FOXK1: variants seen among roughly 807,000 people sequenced by gnomAD.
FOXK1 encodes forkhead box K1.
A neutral mutation model predicts 51.9 loss-of-function variants in FOXK1; 19 were observed. That is an observed-to-expected ratio of 0.37 (90% confidence interval 0.26 to 0.54). FOXK1 has a LOEUF of 0.54. Among genes scored for constraint, FOXK1 ranks in the 20% least tolerant of loss-of-function variants. FOXK1 has a pLI of 0.87. For synonymous variants in FOXK1, 537 were observed against 482.6 expected (o/e 1.11, Z -1.48); for missense variants, 870 against 1,032.7 (o/e 0.84, Z 2.16).
chr7:4,686,260 C>T (rs1266390613), intron 1 of FOXK1, among the ~76,000 whole-genome samples: 1 of 152,050 alleles, frequency 6.6e-6, no homozygotes, highest in Non-Finnish European at 1.5e-5. Context: ...GTGTTGGTGC[C>T]CACACCATTT....
In FOXK1 at chr7:4,745,163, G is replaced by T. The variant is rs2115063884; in HGVS notation, c.746+4140G>T. On this transcript the variant is annotated intron_variant, in intron 2 of 8. Coordinates refer to ENST00000328914, the MANE Select transcript of FOXK1 (RefSeq NM_001037165.2). This position sits in a 1 kb window ranked among gnomAD's most constrained non-coding sequence, Gnocchi z 4.3. ...CGGGGCCAGGCCAGAAGAGCTGGCT[G>T]CCTGCAAGGCTGTCCCCTCCCAGTG... Among the ~76,000 whole-genome samples the T allele has an allele frequency of 6.6e-6, 1 of 152,366 alleles. No homozygotes were observed. Among genetic ancestry groups the T allele is most frequent in the South Asian group, 2.1e-4 (1 of 4,828 alleles).
chr7:4,727,707 C>A (rs1339920902), intron 1 of FOXK1, among the ~76,000 whole-genome samples: 1 of 152,252 alleles, frequency 6.6e-6, no homozygotes, highest in Non-Finnish European at 1.5e-5. Context: ...AGACTGGGCC[C>A]TGTCCCACCT....
At chr7:4,732,391 C>T (rs752665211) in intron 1 of FOXK1, among the ~76,000 whole-genome samples, 1 of 152,232 alleles carries the variant, frequency 6.6e-6, no homozygotes, top group Non-Finnish European at 1.5e-5. Flanking sequence ...TGCCCAGGCT[C>T]AAGCCATCTT....
chr7:4,708,514 G>A (rs949988273), intron 1 of FOXK1, among the ~76,000 whole-genome samples: 5 of 152,166 alleles, frequency 3.3e-5, no homozygotes, highest in South Asian at 4.1e-4. Flanking sequence ...GGGTTAGGGT[G>A]GAATTTTACA....
intron 1 of FOXK1, among the ~76,000 whole-genome samples, chr7:4,695,297 C>T (rs1779937999): frequency 6.6e-6 from 1 of 152,238 alleles, no homozygotes; most frequent in African/African-American, 2.4e-5. Context: ...TCCTAACCTG[C>T]AAGAAGATTT....
chr7:4,752,382 C>T (rs1021913418), intron 2 of FOXK1, among the ~76,000 whole-genome samples: 1 of 152,212 alleles, frequency 6.6e-6, no homozygotes, highest in Non-Finnish European at 1.5e-5. Context: ...TGGGCTCAAG[C>T]GATCCTCCTG....
chr7:4,741,539 C>T (rs1180058672), intron 2 of FOXK1, among the ~76,000 whole-genome samples: 1 of 152,158 alleles, frequency 6.6e-6, no homozygotes, highest in Non-Finnish European at 1.5e-5. Flanking sequence ...CGATGTTGGC[C>T]ATGCTGGTCT....
chr7:4,759,039 C>G lies in FOXK1; in HGVS notation c.1245-12C>G, dbSNP rs763830429. On this transcript the variant is annotated splice_polypyrimidine_tract_variant and intron_variant, in intron 5 of 8. Coordinates refer to ENST00000328914, the MANE Select transcript of FOXK1 (RefSeq NM_001037165.2). ...CGGGCGCTGACTGCCGCGGCCCTTG[C>G]CTGTCTTCCAGGAGCGCTCCAGCTT... 3.9e-5 allele frequency: 61 copies of G among 1,578,992 alleles called. No individual in the cohort carries two copies. The highest frequency in any genetic ancestry group is 4.5e-5 in the East Asian group (2 of 44,708).
At chr7:4,691,172 T>G (rs1779886674) in intron 1 of FOXK1, among the ~76,000 whole-genome samples, 2 of 152,228 alleles carry the variant, frequency 1.3e-5, no homozygotes, top group African/African-American at 2.4e-5. Flanking sequence ...TCGCCTCACC[T>G]GACCCATTTC....
In FOXK1 at chr7:4,746,129, C is replaced by A. The variant is rs115982104; in HGVS notation, c.746+5106C>A. On this transcript the variant is annotated intron_variant, in intron 2 of 8. Transcript: ENST00000328914. Reference sequence around the variant, plus strand: ...TTCCTGATTTCTCCAACGTGGAGATCAAAAATGAAAGTAACTCGTACAATT... The same window carrying A: ...TTCCTGATTTCTCCAACGTGGAGATAAAAAATGAAAGTAACTCGTACAATT... 3.9e-5 allele frequency among the ~76,000 whole-genome samples: 6 copies of A among 152,172 alleles called. No homozygotes were observed. The South Asian group carries it at 8.3e-4, about 21-fold the overall frequency.
chr7:4,693,446 G>A (rs1712380463), intron 1 of FOXK1, among the ~76,000 whole-genome samples: 1 of 152,174 alleles, frequency 6.6e-6, no homozygotes, highest in South Asian at 2.1e-4. Flanking sequence ...TTTAGTCATT[G>A]GCCTTATTAG....
At chr7:4,746,517 A>G (rs768998856) in intron 2 of FOXK1, among the ~76,000 whole-genome samples, 7 of 150,608 alleles carry the variant, frequency 4.6e-5, no homozygotes, top group Non-Finnish European at 1.0e-4. Flanking sequence ...CCCATCTCTA[A>G]AAAAAAAAAT....
intron 1 of FOXK1, among the ~76,000 whole-genome samples, chr7:4,719,081 T>A (rs1470420937): frequency 1.3e-5 from 2 of 152,198 alleles, no homozygotes; most frequent in African/African-American, 4.8e-5. Context: ...AGTGCTGGGA[T>A]TACAGGCATG....
In FOXK1 at chr7:4,759,583, A is replaced by C. The variant is rs1321201001; in HGVS notation, c.1684A>C (p.Ser562Arg). ...AAGAAVLDLG[S>R]EARGLEEKPT... ...GGGCGCAGCCGTGCTGGACCTGGGC[A>C]GCGAGGCCAGAGGTAATGCAGCCGC... The change falls in exon 7 of 9, where the codon AGC becomes CGC. Residue 562 changes from serine (S) to arginine (R), a missense_variant. By Grantham distance (110) the Ser-to-Arg change is moderately radical (BLOSUM62 -1). Coordinates refer to ENST00000328914, the MANE Select transcript of FOXK1 (RefSeq NM_001037165.2). 6.5e-7 allele frequency: 1 copy of C among 1,536,668 alleles called. No homozygotes were observed. The highest frequency in any genetic ancestry group is 8.7e-7 in the Non-Finnish European group (1 of 1,146,838).
chr7:4,758,522 C>T lies in FOXK1; in HGVS notation c.1245-529C>T, dbSNP rs1303558281. 1 of 152,810 alleles carries T rather than the reference C, an allele frequency of 6.5e-6. No individual in the cohort carries two copies. Among genetic ancestry groups the T allele is most frequent in the Non-Finnish European group, 1.5e-5 (1 of 68,484 alleles). The allele number at this position is 152,810 out of a possible 1,614,324, so 9.5% of individuals were successfully genotyped here. A position where few individuals can be genotyped will look rare whatever the true frequency, so the allele number is the denominator to read the frequency against. ...ACGATTTGATGAAAGATTGAAATAT[C>T]TGAAAATTCATTTCGAGCACAGGGT... On this transcript the variant is annotated intron_variant, in intron 5 of 8. Transcript: ENST00000328914. The surrounding 1 kb of genome is among the most constrained non-coding windows in gnomAD (Gnocchi z 4.4).
intron 1 of FOXK1, among the ~76,000 whole-genome samples, chr7:4,712,570 T>C (rs916885882): frequency 1.3e-5 from 2 of 151,982 alleles, no homozygotes; most frequent in African/African-American, 2.4e-5. Context: ...ACACGGAGAG[T>C]TGTTAGAATC....
chr7:4,718,653 T>TTAGTTTTTAAAGCATA (rs1164177090), intron 1 of FOXK1, among the ~76,000 whole-genome samples: 1 of 152,216 alleles, frequency 6.6e-6, no homozygotes, highest in Non-Finnish European at 1.5e-5. Context: ...GCATAGGTTT[T>TTAGTTTTTAAAGCATA]GTTTTTAAAG....
chr7:4,746,345 A>G (rs1780701822), intron 2 of FOXK1, among the ~76,000 whole-genome samples: 1 of 152,120 alleles, frequency 6.6e-6, no homozygotes. Context: ...TACGTTAGAA[A>G]TACTCTCCTT....
intron 1 of FOXK1, among the ~76,000 whole-genome samples, chr7:4,691,446 T>A (rs558253563): frequency 6.9e-4 from 105 of 152,280 alleles, no homozygotes; most frequent in African/African-American, 2.3e-3. Flanking sequence ...GCGATTCTCC[T>A]GCCCCAGCCT....
Sources: allele counts gnomAD v4.1 joint callset (sites outside exome capture counted in the v4.1 genomes callset), GRCh38; gene constraint gnomAD v4.1.1; non-coding constraint Gnocchi (gnomAD v3.1); transcripts MANE v1.5; gene names NCBI Gene and HGNC (gene_info 2026-07-23, HGNC 2026-07-21).